RHOBTB2: variants seen among roughly 807,000 people sequenced by gnomAD.
RHOBTB2 encodes Rho related BTB domain containing 2.
Under a neutral mutation model 66.5 loss-of-function variants are expected in RHOBTB2, and 39 were observed. That is an observed-to-expected ratio of 0.59 (90% confidence interval 0.45 to 0.77). The LOEUF (loss-of-function observed/expected upper bound fraction) is 0.77. Among genes scored for constraint, RHOBTB2 ranks in the 30% least tolerant of loss-of-function variants. The pLI, the probability that RHOBTB2 is intolerant of heterozygous loss-of-function variation, is 0.00. For synonymous variants in RHOBTB2, 390 were observed against 395.0 expected (o/e 0.99, Z 0.15); for missense variants, 755 against 999.1 (o/e 0.76, Z 3.29).
At chr8:22,966,893 C>T in the RHOBTB2 span, among the ~76,000 whole-genome samples, 1 of 151,950 alleles carries the variant, frequency 6.6e-6, no homozygotes, top group Non-Finnish European at 1.5e-5. Flanking sequence ...ATTTTTAATA[C>T]CAGAAAATAA....
chr8:22,972,136 C>T, the RHOBTB2 span, among the ~76,000 whole-genome samples: 3 of 152,202 alleles, frequency 2.0e-5, no homozygotes, highest in South Asian at 2.1e-4. Flanking sequence ...CCCTCTTCCT[C>T]GCATTCCGTC....
At chr8:22,967,827 G>T in the RHOBTB2 span, among the ~76,000 whole-genome samples, 2 of 151,854 alleles carry the variant, frequency 1.3e-5, no homozygotes, top group African/African-American at 4.8e-5. Flanking sequence ...ATGCGAATGT[G>T]TAGTACTTAA....
intron 8 of RHOBTB2, 59 bp from the exon 9 acceptor site, chr8:23,015,579 C>G: frequency 8.2e-7 from 1 of 1,222,110 alleles, no homozygotes. Context: ...CTGGAGGTGT[C>G]TATGCAGACC....
At chr8:22,990,806 G>A (rs1378609115) in intron 1 of RHOBTB2, among the ~76,000 whole-genome samples, 1 of 152,154 alleles carries the variant, frequency 6.6e-6, no homozygotes, top group Non-Finnish European at 1.5e-5. Flanking sequence ...CCGCATCCCA[G>A]GCCATCTGGG....
At chr8:23,012,204 T>C (rs1303225338) in intron 7 of RHOBTB2, among the ~76,000 whole-genome samples, 1 of 152,196 alleles carries the variant, frequency 6.6e-6, no homozygotes, top group Admixed American at 6.5e-5. Context: ...TCCAGAGAAA[T>C]GACCCAAAGG....
chr8:23,007,887 C>T, intron 5 of RHOBTB2, 106 bp from the exon 6 acceptor site: 1 of 1,484,588 alleles, frequency 6.7e-7, no homozygotes, highest in Non-Finnish European at 9.3e-7. Context: ...CGGGTTTGTT[C>T]CGTGCCCCGA....
chr8:22,966,561 G>A, the RHOBTB2 span, among the ~76,000 whole-genome samples: 13 of 151,692 alleles, frequency 8.6e-5, no homozygotes, highest in East Asian at 2.5e-3. Context: ...AGGGTCGGAG[G>A]ACTGAGCCTA....
Position 23,019,780 on chromosome 8 carries a change from G to T in RHOBTB2, c.*2311G>T, listed in dbSNP as rs768075164. ...ACAGGGCCGGCCCCCCAACTTCAGG[G>T]ACCCACCGCCCATTCCCCGAGAGCT... On this transcript the variant is annotated 3_prime_UTR_variant, in exon 10 of 10. Coordinates refer to ENST00000251822, the MANE Select transcript of RHOBTB2 (RefSeq NM_015178.3). The T allele has an allele frequency of 1.5e-4, 24 of 161,922 alleles. No homozygotes were observed. Among genetic ancestry groups the T allele is most frequent in the Non-Finnish European group, 2.7e-4 (20 of 73,844 alleles). The allele number at this position is 161,922 out of a possible 1,614,324, so 10.0% of individuals were successfully genotyped here. A position where few individuals can be genotyped will look rare whatever the true frequency, so the allele number is the denominator to read the frequency against.
chr8:22,985,317 G>A (rs1184643043), upstream of RHOBTB2, among the ~76,000 whole-genome samples: 2 of 152,234 alleles, frequency 1.3e-5, no homozygotes, highest in African/African-American at 2.4e-5. Flanking sequence ...GAGGCACTGC[G>A]TCACAGGCGT....
In RHOBTB2 at chr8:23,007,766, A is replaced by G. The variant is rs373166557; in HGVS notation, c.1501+20A>G. 4.3e-4 allele frequency: 696 copies of G among 1,607,570 alleles called. No individual in the cohort carries two copies. Among genetic ancestry groups the G allele is most frequent in the Non-Finnish European group, 5.7e-4 (667 of 1,175,960 alleles). The stretch of plus-strand genomic sequence containing the variant: ...TCTCAGGTATGGAACAGGCTTGGAA[A>G]GCAAGGGGGTTCTGCATTGGTGCTA... On this transcript the variant is annotated intron_variant, in intron 5 of 9. Transcript: ENST00000251822.
chr8:22,981,608 G>A, the RHOBTB2 span, among the ~76,000 whole-genome samples: 1 of 152,212 alleles, frequency 6.6e-6, no homozygotes, highest in Non-Finnish European at 1.5e-5. Context: ...GGGTAGTCCA[G>A]GCTTCTTCTG....
chr8:22,981,708 C>A, the RHOBTB2 span, among the ~76,000 whole-genome samples: 2 of 152,166 alleles, frequency 1.3e-5, no homozygotes, highest in Non-Finnish European at 2.9e-5. Flanking sequence ...CCTGTCCCCC[C>A]ACTGCCTGCC....
In RHOBTB2 at chr8:23,006,944, C is replaced by CCT. The variant is rs1810972102; in HGVS notation, c.700_701dup (p.Pro235TyrfsTer67). 6.2e-7 allele frequency: 1 copy of CCT among 1,612,772 alleles called. No homozygotes were observed. ...AGCGGCCTCTGCTGCAGGCACCCTT[C>CCT]CTACCCCCCAAGCCACCGCCCCCGA... is the stretch of plus-strand genomic sequence containing the variant. On this transcript the variant is annotated frameshift_variant, in exon 5 of 10. Transcript: ENST00000251822. LOFTEE classifies it high-confidence loss of function. The surrounding 1 kb of genome is among the most constrained non-coding windows in gnomAD (Gnocchi z 6.1).
In RHOBTB2 at chr8:22,999,933, T is replaced by G; in HGVS notation, c.-183T>G. On this transcript the variant is annotated 5_prime_UTR_variant, in exon 1 of 10. Coordinates refer to ENST00000251822, the MANE Select transcript of RHOBTB2 (RefSeq NM_015178.3). ...CGGCCTGGGCTGCCCTGCCGGAGTT[T>G]CTGAGTGGCCGCGAGCTGGCCGGGA... 2.0e-6 allele frequency: 2 copies of G among 985,332 alleles called. No homozygotes were observed. Among genetic ancestry groups the G allele is most frequent in the Non-Finnish European group, 2.4e-6 (2 of 829,924 alleles). The allele number at this position is 985,332 out of a possible 1,614,324, so 61.0% of individuals were successfully genotyped here.
At chr8:22,969,345 T>G in the RHOBTB2 span, among the ~76,000 whole-genome samples, 1 of 152,064 alleles carries the variant, frequency 6.6e-6, no homozygotes, top group Non-Finnish European at 1.5e-5. Flanking sequence ...GAGATTTGGG[T>G]GGAGACACAG....
At chr8:22,971,806 T>C in the RHOBTB2 span, among the ~76,000 whole-genome samples, 1 of 152,186 alleles carries the variant, frequency 6.6e-6, no homozygotes, top group Admixed American at 6.5e-5. Flanking sequence ...TCTTACTTTC[T>C]GCAGGATAAC....
chr8:22,990,220 A>C (rs1341374973), intron 1 of RHOBTB2, among the ~76,000 whole-genome samples: 2 of 152,236 alleles, frequency 1.3e-5, no homozygotes, highest in African/African-American at 4.8e-5. Flanking sequence ...GGAAGGACCA[A>C]ACAAGTCTCA....
At chr8:22,976,157 A>G in the RHOBTB2 span, among the ~76,000 whole-genome samples, 1 of 151,884 alleles carries the variant, frequency 6.6e-6, no homozygotes, top group Non-Finnish European at 1.5e-5. Context: ...AAAAATAAAT[A>G]AATAAATAAT....
chr8:22,972,536 C>T, the RHOBTB2 span, among the ~76,000 whole-genome samples: 1 of 152,208 alleles, frequency 6.6e-6, no homozygotes, highest in Non-Finnish European at 1.5e-5. Context: ...TCCAGTCTCA[C>T]CCACTTCCAC....
Sources: gnomAD v4.1 joint callset for allele counts (sites outside exome capture counted in the v4.1 genomes callset) on GRCh38, gnomAD v4.1.1 for gene constraint, Gnocchi (gnomAD v3.1) non-coding constraint, MANE v1.5 for transcripts, NCBI Gene and HGNC (gene_info 2026-07-23, HGNC 2026-07-21) for gene names.